PRKCB: variants seen among roughly 807,000 people sequenced by gnomAD.
The protein encoded by PRKCB is protein kinase C beta type.
Under a neutral mutation model 81.5 loss-of-function variants are expected in PRKCB, and 13 were observed. That is an observed-to-expected ratio of 0.16 (90% CI 0.10 to 0.25). PRKCB has a LOEUF of 0.25. Ranked by LOEUF, PRKCB falls within the 10% of genes least tolerant of loss-of-function variation. The probability of loss-of-function intolerance (pLI) is 1.00; values close to 1 mark genes in which losing one functional copy is unlikely to be tolerated. For missense variants in PRKCB, 509 were observed against 875.7 expected, an observed-to-expected ratio of 0.58 and a Z score of 5.29; for synonymous variants, 335 against 321.4, an observed-to-expected ratio of 1.04 and a Z score of -0.45.
Position 24,113,078 on chromosome 16 carries a change from T to C in PRKCB, c.918+9T>C, listed in dbSNP as rs764085276. On this transcript the variant is annotated intron_variant, in intron 8 of 16. Coordinates refer to ENST00000643927, the MANE Select transcript of PRKCB (RefSeq NM_002738.7). ...TGCGGCAGAAATTTGAGGTGAGGTT[T>C]CTTTTCTTTTTCTCTTCTTTCTTTT... The C allele has an allele frequency of 6.2e-7, 1 of 1,601,140 alleles. No individual in the cohort carries two copies. The highest frequency in any genetic ancestry group is 8.5e-7 in the Non-Finnish European group (1 of 1,172,474).
intron 15 of PRKCB, among the ~76,000 whole-genome samples, chr16:24,185,798 C>T (rs572862704): frequency 2.0e-5 from 3 of 152,310 alleles, no homozygotes; most frequent in South Asian, 4.1e-4. Flanking sequence ...CGTCTTGCTG[C>T]TGGCTGGGCT....
chr16:24,016,884 T>C (rs1399983276), intron 3 of PRKCB, among the ~76,000 whole-genome samples: 1 of 152,220 alleles, frequency 6.6e-6, no homozygotes, highest in African/African-American at 2.4e-5. Flanking sequence ...ATAAATTTCA[T>C]ATCACTGACC....
intron 9 of PRKCB, among the ~76,000 whole-genome samples, chr16:24,148,290 A>G (rs1176931135): frequency 6.6e-6 from 1 of 152,140 alleles, no homozygotes; most frequent in Non-Finnish European, 1.5e-5. Context: ...CAGCGATGTT[A>G]AGTCTTCCAT....
chr16:24,113,108 C>T (rs1287957914), intron 8 of PRKCB, 39 bp downstream of exon 8: 2 of 1,527,186 alleles, frequency 1.3e-6, no homozygotes, highest in Admixed American at 3.6e-5. Flanking sequence ...TCTTTTTTCT[C>T]TTTCTTTTTT....
In PRKCB at chr16:24,010,304, C is replaced by T. The variant is rs149705798; in HGVS notation, c.288+21714C>T. 4.6e-3 allele frequency among the ~76,000 whole-genome samples: 706 copies of T among 152,258 alleles called. 6 individuals are homozygous for T. The highest frequency in any genetic ancestry group is 0.015 in the African/African-American group (624 of 41,550). On this transcript the variant is annotated intron_variant, in intron 3 of 16. Coordinates refer to ENST00000643927, the MANE Select transcript of PRKCB (RefSeq NM_002738.7). ...AGGTCTAAGTTTTCCCATTTTTTTC[C>T]AGAGAAATCTGAAATCCCCTAAATT...
At chr16:24,134,108 G>A (rs559548505) in intron 9 of PRKCB, among the ~76,000 whole-genome samples, 20 of 152,076 alleles carry the variant, frequency 1.3e-4, no homozygotes, top group African/African-American at 4.3e-4. Flanking sequence ...TTGTTGCCCA[G>A]GCTGGTCTCG....
At chr16:24,171,943 CT>C (rs1352396241) in intron 10 of PRKCB, among the ~76,000 whole-genome samples, 1 of 151,990 alleles carries the variant, frequency 6.6e-6, no homozygotes, top group Non-Finnish European at 1.5e-5. Context: ...GAGTTTTGCC[CT>C]GTTGGCCAGG....
chr16:24,026,778 A>C (rs1259964323), intron 3 of PRKCB, among the ~76,000 whole-genome samples: 1 of 152,234 alleles, frequency 6.6e-6, no homozygotes, highest in Admixed American at 6.5e-5. Context: ...ACTTGGACCC[A>C]GTAGCGTCCT....
chr16:23,886,406 G>GTTTTTTTTTTTTTTTTT, intron 2 of PRKCB, among the ~76,000 whole-genome samples: 1 of 70,202 alleles, frequency 1.4e-5, no homozygotes, highest in Non-Finnish European at 2.5e-5. Context: ...TGTGTTAGGT[G>GTTTTTTTTTTTTTTTTT]TTTTTTTTTT....
chr16:23,995,574 C>T (rs879855639), intron 3 of PRKCB, among the ~76,000 whole-genome samples: 7 of 152,134 alleles, frequency 4.6e-5, no homozygotes, highest in Admixed American at 3.3e-4. Context: ...ACTAAATTGC[C>T]GTATGACCCG....
Position 24,215,558 on chromosome 16 carries a change from A to G in PRKCB, c.*742A>G, listed in dbSNP as rs1318143484. On this transcript the variant is annotated 3_prime_UTR_variant, in exon 17 of 17. Coordinates refer to ENST00000643927, the MANE Select transcript of PRKCB (RefSeq NM_002738.7). ...CTGAAACAACACAGTCACTCTAGCA[A>G]GGCCCCCAAAGGGCCCTGGTTTTAC... is the stretch of plus-strand genomic sequence containing the variant. 6.1e-6 allele frequency: 6 copies of G among 985,660 alleles called. No homozygotes were observed. In the African/African-American group the frequency reaches 8.7e-5, roughly 14 times the overall value. 61.1% of individuals were successfully genotyped at this position (985,660 alleles called of 1,614,324 possible).
chr16:23,840,265 G>A (rs1268388318), intron 2 of PRKCB, among the ~76,000 whole-genome samples: 1 of 152,132 alleles, frequency 6.6e-6, no homozygotes, highest in Non-Finnish European at 1.5e-5. Flanking sequence ...AAACACATAA[G>A]GTTTTATGAT....
At chr16:24,213,423 T>C (rs1391173173) in intron 16 of PRKCB, among the ~76,000 whole-genome samples, 1 of 152,172 alleles carries the variant, frequency 6.6e-6, no homozygotes, top group African/African-American at 2.4e-5. Flanking sequence ...GCTGAGATTA[T>C]GAACAAATTA....
intron 2 of PRKCB, among the ~76,000 whole-genome samples, chr16:23,889,116 GTCCATCCA>G (rs60798460): frequency 0.12 from 17,309 of 147,496 alleles, 1,062 homozygotes; most frequent in South Asian, 0.17. Context: ...CTGTTCACTC[GTCCATCCA>G]TCCATCCATC....
intron 2 of PRKCB, among the ~76,000 whole-genome samples, chr16:23,935,478 G>A (rs1007714048): frequency 2.0e-5 from 3 of 152,132 alleles, no homozygotes; most frequent in Non-Finnish European, 4.4e-5. Context: ...CCAAACTGCA[G>A]GGACCCAAAG....
intron 5 of PRKCB, among the ~76,000 whole-genome samples, chr16:24,065,153 C>G (rs868006409): frequency 1.3e-5 from 2 of 150,740 alleles, no homozygotes; most frequent in Non-Finnish European, 3.0e-5. Context: ...TTAATACAGT[C>G]TGACAATAGT....
Position 23,988,500 on chromosome 16 carries a change from T to C in PRKCB, c.206-8T>C. On this transcript the variant is annotated splice_polypyrimidine_tract_variant and splice_region_variant and intron_variant, in intron 2 of 16. Coordinates refer to ENST00000643927, the MANE Select transcript of PRKCB (RefSeq NM_002738.7). ...CCCTTCCTCCCACCCTGATTTTCTC[T>C]TTTGCAGTTTGCTGCTTTGTGGTGC... 1.2e-6 allele frequency: 2 copies of C among 1,613,726 alleles called. No homozygotes were observed. Among genetic ancestry groups the C allele is most frequent in the Non-Finnish European group, 1.7e-6 (2 of 1,179,640 alleles).
At chr16:23,997,149 TG>T (rs1264082130) in intron 3 of PRKCB, among the ~76,000 whole-genome samples, 2 of 152,328 alleles carry the variant, frequency 1.3e-5, no homozygotes, top group Non-Finnish European at 2.9e-5. Context: ...CCAGCCACTT[TG>T]GGGTTCCCAT....
intron 2 of PRKCB, among the ~76,000 whole-genome samples, chr16:23,843,600 A>C (rs1962305794): frequency 6.6e-6 from 1 of 152,148 alleles, no homozygotes; most frequent in Non-Finnish European, 1.5e-5. Context: ...GAGGAGTCTG[A>C]AGCTTTGTCA....
Sources: allele counts gnomAD v4.1 joint callset (sites outside exome capture counted in the v4.1 genomes callset), GRCh38; gene constraint gnomAD v4.1.1; transcripts MANE v1.5; gene names NCBI Gene and HGNC (gene_info 2026-07-23, HGNC 2026-07-21).